The following UBE2E2 variants were observed in gnomAD, a reference collection of about 807,000 sequenced individuals.
UBE2E2 encodes the protein ubiquitin-conjugating enzyme E2 E2.
UBE2E2 carries 6 observed loss-of-function variants against 24.7 expected under a neutral mutation model. The ratio of observed to expected loss-of-function variants is 0.24; its 90% CI spans 0.13 to 0.48. The LOEUF (loss-of-function observed/expected upper bound fraction) is 0.48, where lower values mean the gene tolerates loss of function less well. Among genes scored for constraint, UBE2E2 ranks in the 20% least tolerant of loss-of-function variants. The probability of loss-of-function intolerance (pLI) is 0.99; values close to 1 mark genes in which losing one functional copy is unlikely to be tolerated. For synonymous variants in UBE2E2, 104 were observed against 83.6 expected, an observed-to-expected ratio of 1.24 and a Z score of -1.33; for missense variants, 169 against 245.0, an observed-to-expected ratio of 0.69 and a Z score of 2.07.
chr3:23,467,928 A>G (rs1284400802), intron 3 of UBE2E2, among the ~76,000 whole-genome samples: 1 of 152,098 alleles, frequency 6.6e-6, no homozygotes, highest in Admixed American at 6.5e-5. Context: ...CAAACTTTCA[A>G]ACAACCATAT....
chr3:23,323,427 C>T (rs11921580), intron 3 of UBE2E2: 108,507 of 327,342 alleles, frequency 0.33, 18,647 homozygotes, highest in Middle Eastern at 0.37. Flanking sequence ...TTTGGCATGA[C>T]CCCAGGGCTA....
intron 3 of UBE2E2, among the ~76,000 whole-genome samples, chr3:23,300,643 C>G (rs572025715): frequency 6.6e-5 from 10 of 152,246 alleles, no homozygotes; most frequent in Non-Finnish European, 1.2e-4. Context: ...GAGTTTCTGC[C>G]GAGAGATCAG....
chr3:23,274,288 C>T (rs889979783), intron 3 of UBE2E2, among the ~76,000 whole-genome samples: 11 of 150,686 alleles, frequency 7.3e-5, no homozygotes, highest in African/African-American at 2.7e-4. Context: ...GATTTTTTTC[C>T]CTCTTTCTTT....
chr3:23,439,321 T>G (rs1215250176), intron 3 of UBE2E2, among the ~76,000 whole-genome samples: 1 of 152,224 alleles, frequency 6.6e-6, no homozygotes, highest in Non-Finnish European at 1.5e-5. Flanking sequence ...TACTGGCAGA[T>G]GCCAGGAATC....
chr3:23,266,034 G>A (rs1229257384), intron 3 of UBE2E2, among the ~76,000 whole-genome samples: 2 of 152,132 alleles, frequency 1.3e-5, no homozygotes, highest in Admixed American at 6.5e-5. Flanking sequence ...TTGAGCCTAT[G>A]TGTGTGTCTG....
intron 3 of UBE2E2, among the ~76,000 whole-genome samples, chr3:23,363,583 CA>C (rs1696181511): frequency 6.6e-6 from 1 of 152,196 alleles, no homozygotes; most frequent in Admixed American, 6.5e-5. Flanking sequence ...AGGCCAAATT[CA>C]ACAAGAAGAC....
chr3:23,415,280 GC>G (rs1697593850), intron 3 of UBE2E2, among the ~76,000 whole-genome samples: 1 of 152,164 alleles, frequency 6.6e-6, no homozygotes, highest in African/African-American at 2.4e-5. Context: ...ATACTAACTA[GC>G]CATTCCTGGA....
intron 3 of UBE2E2, among the ~76,000 whole-genome samples, chr3:23,483,034 G>A (rs1269186626): frequency 6.6e-6 from 1 of 152,136 alleles, no homozygotes; most frequent in East Asian, 1.9e-4. Context: ...ATTGGCACTT[G>A]TTTGTAATTC....
intron 3 of UBE2E2, among the ~76,000 whole-genome samples, chr3:23,313,090 A>T (rs927090533): frequency 6.6e-6 from 1 of 152,138 alleles, no homozygotes; most frequent in African/African-American, 2.4e-5. Context: ...GAAATGTTCT[A>T]TAAATATCTA....
intron 3 of UBE2E2, among the ~76,000 whole-genome samples, chr3:23,487,344 C>A (rs553532658): frequency 5.9e-5 from 9 of 152,310 alleles, no homozygotes; most frequent in East Asian, 1.9e-4. Flanking sequence ...CGAGTCAGAA[C>A]CACTGCTGGG....
At chr3:23,300,832 C>A (rs1234354876) in intron 3 of UBE2E2, among the ~76,000 whole-genome samples, 2 of 152,022 alleles carry the variant, frequency 1.3e-5, no homozygotes, top group African/African-American at 4.8e-5. Context: ...TGTTGGCCTG[C>A]CTTGCTAGAT....
At chr3:23,503,222 C>G (rs1359728743) in intron 4 of UBE2E2, among the ~76,000 whole-genome samples, 1 of 150,984 alleles carries the variant, frequency 6.6e-6, no homozygotes, top group Non-Finnish European at 1.5e-5. Context: ...ATAGAGTTCG[C>G]TCTTTTGCCT....
At chr3:23,232,563 G>C (rs1203740729) in intron 3 of UBE2E2, among the ~76,000 whole-genome samples, 1 of 152,056 alleles carries the variant, frequency 6.6e-6, no homozygotes, top group African/African-American at 2.4e-5. Context: ...AATAATACTT[G>C]CATCCTCAAA....
intron 3 of UBE2E2, among the ~76,000 whole-genome samples, chr3:23,330,047 C>T (rs1353373816): frequency 6.6e-6 from 1 of 152,166 alleles, no homozygotes; most frequent in African/African-American, 2.4e-5. Flanking sequence ...TGTGATGCTA[C>T]CCCATACATT....
At position 23,288,457 on chromosome 3, in the gene UBE2E2, G is replaced by T. The variant is rs148272997; in HGVS notation, c.227+71145G>T. Among the ~76,000 whole-genome samples the T allele has an allele frequency of 2.7e-3, 418 of 152,276 alleles. 1 individual carries two copies. The highest frequency in any genetic ancestry group is 9.6e-3 in the African/African-American group (398 of 41,562). ...TTTGTCTACAGTGCTGATTAAGTCT[G>T]ATTTTTCTTTGTTGACTTTCTGTCT... On this transcript the variant is annotated intron_variant, in intron 3 of 5. Coordinates refer to ENST00000396703, the MANE Select transcript of UBE2E2 (RefSeq NM_152653.4).
At chr3:23,508,061 G>C (rs959335387) in intron 4 of UBE2E2, among the ~76,000 whole-genome samples, 1 of 152,136 alleles carries the variant, frequency 6.6e-6, no homozygotes, top group Admixed American at 6.6e-5. Context: ...TCAGTGTCAT[G>C]ACTGGGCTGT....
intron 3 of UBE2E2, among the ~76,000 whole-genome samples, chr3:23,480,539 C>T (rs1039173540): frequency 5.3e-5 from 8 of 151,958 alleles, no homozygotes; most frequent in African/African-American, 1.5e-4. Flanking sequence ...GTGCAGCCCT[C>T]GCTGCGCCTC....
chr3:23,421,821 G>A (rs1697806618), intron 3 of UBE2E2, among the ~76,000 whole-genome samples: 1 of 152,260 alleles, frequency 6.6e-6, no homozygotes, highest in Non-Finnish European at 1.5e-5. Flanking sequence ...TGGAATAAGA[G>A]TCATTAGAGA....
At chr3:23,545,195 C>A (rs1039442131) in intron 5 of UBE2E2, among the ~76,000 whole-genome samples, 1 of 152,100 alleles carries the variant, frequency 6.6e-6, no homozygotes, top group Non-Finnish European at 1.5e-5. Context: ...ACTAATCCTC[C>A]TCAGCACAGA....
Sources: gnomAD v4.1 joint callset for allele counts (sites outside exome capture counted in the v4.1 genomes callset) on GRCh38, gnomAD v4.1.1 for gene constraint, MANE v1.5 for transcripts, NCBI Gene and HGNC (gene_info 2026-07-23, HGNC 2026-07-21) for gene names.